TBX20: variants seen among roughly 807,000 people sequenced by gnomAD.
TBX20 encodes T-box transcription factor 20.
TBX20 carries 8 observed loss-of-function variants against 42.9 expected under a neutral mutation model. The observed-to-expected ratio is 0.19, with a 90% CI of 0.11 to 0.34. The LOEUF is 0.34. Ranked by LOEUF, TBX20 falls within the 10% of genes least tolerant of loss-of-function variation. The pLI, the probability that TBX20 is intolerant of heterozygous loss-of-function variation, is 1.00. For synonymous variants in TBX20, 198 were observed against 222.8 expected (o/e 0.89, Z 0.99); for missense variants, 411 against 566.0 (o/e 0.73, Z 2.78).
chr7:35,217,857 A>G (rs1224677873), intron 6 of TBX20, among the ~76,000 whole-genome samples: 2 of 152,086 alleles, frequency 1.3e-5, no homozygotes, highest in Non-Finnish European at 2.9e-5. Flanking sequence ...AGTAGCTGGG[A>G]TTACAGGCAT....
intron 6 of TBX20, among the ~76,000 whole-genome samples, chr7:35,210,075 G>A (rs1428722506): frequency 6.6e-6 from 1 of 150,748 alleles, no homozygotes; most frequent in Admixed American, 6.6e-5. Context: ...GTGTATACTT[G>A]CAAAGAAGGC....
intron 6 of TBX20, among the ~76,000 whole-genome samples, chr7:35,227,081 T>TAAAA (rs772395821): frequency 1.1e-5 from 1 of 89,928 alleles, no homozygotes; most frequent in Non-Finnish European, 2.4e-5. Context: ...GTTTAAAAAG[T>TAAAA]AAAAAAAAAA....
At chr7:35,235,174 G>T (rs1368088898) in intron 5 of TBX20, among the ~76,000 whole-genome samples, 2 of 150,766 alleles carry the variant, frequency 1.3e-5, no homozygotes, top group African/African-American at 4.9e-5. Flanking sequence ...GTAATCATAC[G>T]TTTTAAAAGG....
At chr7:35,232,096 A>G (rs868856169) in intron 5 of TBX20, among the ~76,000 whole-genome samples, 2 of 152,230 alleles carry the variant, frequency 1.3e-5, no homozygotes, top group African/African-American at 4.8e-5. Flanking sequence ...TGATATTGAT[A>G]TACATGACAT....
At chr7:35,234,292 A>G (rs1200687516) in intron 5 of TBX20, among the ~76,000 whole-genome samples, 3 of 152,208 alleles carry the variant, frequency 2.0e-5, no homozygotes, top group Admixed American at 6.5e-5. Flanking sequence ...GAATTTTGAA[A>G]ATCACATTTC....
chr7:35,218,491 C>T (rs1229241671), intron 6 of TBX20, among the ~76,000 whole-genome samples: 1 of 152,054 alleles, frequency 6.6e-6, no homozygotes, highest in African/African-American at 2.4e-5. Context: ...AAAATACATA[C>T]TTCTTAGAAA....
chr7:35,206,232 A>AAAAGTGGCACACATTT (rs1231395572), intron 6 of TBX20, among the ~76,000 whole-genome samples: 2 of 152,240 alleles, frequency 1.3e-5, no homozygotes, highest in Non-Finnish European at 2.9e-5. Flanking sequence ...TTAAAATACA[A>AAAAGTGGCACACATTT]AAAGTGGCAC....
chr7:35,252,901 G>T (rs1361898060), intron 1 of TBX20, among the ~76,000 whole-genome samples: 2 of 152,166 alleles, frequency 1.3e-5, no homozygotes, highest in South Asian at 4.2e-4. Flanking sequence ...TTGAGAAATG[G>T]TTACTGGTTA....
chr7:35,211,992 A>G (rs958945936), intron 6 of TBX20, among the ~76,000 whole-genome samples: 7 of 152,024 alleles, frequency 4.6e-5, no homozygotes, highest in Admixed American at 2.0e-4. Context: ...AAATTTTTAG[A>G]TATTATTTCT....
chr7:35,251,364 C>T (rs1384091130), intron 1 of TBX20, among the ~76,000 whole-genome samples: 1 of 152,166 alleles, frequency 6.6e-6, no homozygotes, highest in Non-Finnish European at 1.5e-5. Context: ...ATGAAGAAAA[C>T]AGGAAACAGA....
intron 6 of TBX20, among the ~76,000 whole-genome samples, chr7:35,219,744 A>G (rs77989408): frequency 2.6e-4 from 37 of 142,462 alleles, no homozygotes; most frequent in East Asian, 1.1e-3. Context: ...CTGCCAAAAC[A>G]TTTACTTCTT....
intron 5 of TBX20, among the ~76,000 whole-genome samples, chr7:35,234,383 C>CA (rs1789922730): frequency 6.6e-6 from 1 of 152,140 alleles, no homozygotes; most frequent in Admixed American, 6.6e-5. Flanking sequence ...TGCTCTAATA[C>CA]CACAGAAAAT....
chr7:35,253,651 G>T lies in TBX20; in HGVS notation c.-31C>A. The T allele has an allele frequency of 6.2e-7, 1 of 1,603,612 alleles. No individual in the cohort carries two copies. Among genetic ancestry groups the T allele is most frequent in the Non-Finnish European group, 8.5e-7 (1 of 1,175,934 alleles). On this transcript the variant is annotated 5_prime_UTR_variant, in exon 1 of 8. Coordinates refer to ENST00000408931, the MANE Select transcript of TBX20 (RefSeq NM_001077653.2). ...CCAGCACGCGGTCCTGGCCAGGGAC[G>T]GGGTCGTCCGAACTGCCGTCCAGAT...
chr7:35,231,566 T>C lies in TBX20; in HGVS notation c.828A>G (p.Lys276=), dbSNP rs1469056241. 20 of 1,612,594 alleles carry C rather than the reference T, an allele frequency of 1.2e-5. No homozygotes were observed. The highest frequency in any genetic ancestry group is 1.7e-5 in the Non-Finnish European group (20 of 1,178,776). The part of the protein sequence containing the change: ...AYQNQLITKL[K]IDSNPFAKGF... ...CTTTGGCAAAAGGATTGCTATCTATTTTCAGCTTCGTTATCTGGAGAAAGA... is the reference window on the plus strand; with the variant it reads ...CTTTGGCAAAAGGATTGCTATCTATCTTCAGCTTCGTTATCTGGAGAAAGA... Residue 276 remains lysine, a synonymous_variant, in exon 6 of 8, where the codon AAA becomes AAG. Transcript: ENST00000408931.
intron 6 of TBX20, among the ~76,000 whole-genome samples, chr7:35,205,065 G>A (rs74630800): frequency 3.2e-4 from 49 of 152,204 alleles, no homozygotes; most frequent in East Asian, 2.1e-3. Context: ...ATTAGTCAGC[G>A]AAAGACTCTA....
chr7:35,253,001 G>A (rs139500683), intron 1 of TBX20, among the ~76,000 whole-genome samples: 2,153 of 152,316 alleles, frequency 0.014, 20 homozygotes, highest in Non-Finnish European at 0.022. Flanking sequence ...AAAATGGTTC[G>A]TGTAGGGAGA....
chr7:35,204,472 C>T lies in TBX20; in HGVS notation c.1001G>A (p.Arg334Gln), dbSNP rs767429245. 60 of 1,610,948 alleles carry T rather than the reference C, an allele frequency of 3.7e-5. No individual in the cohort carries two copies. Among genetic ancestry groups the T allele is most frequent in the Admixed American group, 3.3e-4 (20 of 59,970 alleles). Residue 334 changes from arginine to glutamine, a missense_variant and splice_region_variant, in exon 7 of 8, where the codon CGA becomes CAA. Transcript: ENST00000408931. ...LGDESQTTPN[R>Q]GSAFTTSDNL... ...CATGGCCTTGGAAACTACCTTACCT[C>T]GATTTGGGGTTGTCTGACTCTCATC...
At chr7:35,244,896 G>A (rs1336733355) in intron 4 of TBX20, 53 bp downstream of exon 4, 14 of 1,309,384 alleles carry the variant, frequency 1.1e-5, no homozygotes, top group African/African-American at 2.9e-5. Flanking sequence ...AGTTTTGTGC[G>A]ACCTGTCCAT....
chr7:35,243,322 C>A (rs1790118427), intron 4 of TBX20, among the ~76,000 whole-genome samples: 2 of 152,096 alleles, frequency 1.3e-5, no homozygotes, highest in Admixed American at 1.3e-4. Context: ...ATATAAGAAA[C>A]CATCTAAGAC....
Sources: allele counts gnomAD v4.1 joint callset (sites outside exome capture counted in the v4.1 genomes callset), GRCh38; gene constraint gnomAD v4.1.1; transcripts MANE v1.5; gene names NCBI Gene and HGNC (gene_info 2026-07-23, HGNC 2026-07-21).